ST8SIA6: variants seen among roughly 807,000 people sequenced by gnomAD.
ST8SIA6 encodes the protein ST8 alpha-N-acetyl-neuraminide alpha-2,8-sialyltransferase 6.
Under a neutral mutation model 33.6 loss-of-function variants are expected in ST8SIA6, and 39 were observed. The observed-to-expected ratio is 1.16, with a 90% CI of 0.90 to 1.52. The LOEUF is 1.52. Among genes scored for constraint, ST8SIA6 ranks in the 40% most tolerant of loss-of-function variants. The probability of loss-of-function intolerance (pLI) is 0.00; values close to 1 mark genes in which losing one functional copy is unlikely to be tolerated. For synonymous variants in ST8SIA6, 172 were observed against 167.2 expected (o/e 1.03, Z -0.22); for missense variants, 441 against 443.8 (o/e 0.99, Z 0.06).
intron 2 of ST8SIA6, among the ~76,000 whole-genome samples, chr10:17,440,563 C>T (rs1387781036): frequency 6.6e-6 from 1 of 152,128 alleles, no homozygotes; most frequent in African/African-American, 2.4e-5. Flanking sequence ...GGTCTTAGGG[C>T]TATCCATACA....
At chr10:17,381,179 T>C (rs1200401566) in intron 3 of ST8SIA6, among the ~76,000 whole-genome samples, 1 of 152,164 alleles carries the variant, frequency 6.6e-6, no homozygotes, top group Non-Finnish European at 1.5e-5. Context: ...AGTGTCTCCC[T>C]CTAGTACCAC....
At chr10:17,369,091 C>T (rs908441037) in intron 3 of ST8SIA6, among the ~76,000 whole-genome samples, 11 of 152,168 alleles carry the variant, frequency 7.2e-5, no homozygotes, top group African/African-American at 1.4e-4. Flanking sequence ...AGCTTGATTG[C>T]GACATAATTT....
intron 2 of ST8SIA6, among the ~76,000 whole-genome samples, chr10:17,450,839 T>C (rs981099466): frequency 2.6e-5 from 4 of 152,208 alleles, no homozygotes; most frequent in Admixed American, 2.0e-4. Context: ...AGAAAGAGTC[T>C]CTTCAATTGT....
intron 2 of ST8SIA6, among the ~76,000 whole-genome samples, chr10:17,450,049 A>C (rs774315542): frequency 6.6e-6 from 1 of 152,180 alleles, no homozygotes; most frequent in Non-Finnish European, 1.5e-5. Context: ...TGGTTTTTAT[A>C]TGTTTAGATG....
At chr10:17,348,768 C>T (rs1206602045) in intron 4 of ST8SIA6, among the ~76,000 whole-genome samples, 1 of 152,184 alleles carries the variant, frequency 6.6e-6, no homozygotes, top group Non-Finnish European at 1.5e-5. Flanking sequence ...CTGCTTTTGG[C>T]TTCTGGCTCC....
intron 5 of ST8SIA6, among the ~76,000 whole-genome samples, chr10:17,327,372 G>A (rs956822272): frequency 1.3e-5 from 2 of 150,664 alleles, no homozygotes; most frequent in Non-Finnish European, 3.0e-5. Context: ...GGATCACAAG[G>A]TCAGGAGTTC....
chr10:17,340,806 T>C (rs1176101220), intron 4 of ST8SIA6, among the ~76,000 whole-genome samples: 1 of 152,196 alleles, frequency 6.6e-6, no homozygotes, highest in African/African-American at 2.4e-5. Flanking sequence ...AGAACTTCTT[T>C]AACAAAAAAT....
At chr10:17,371,375 C>T (rs1428573995) in intron 3 of ST8SIA6, among the ~76,000 whole-genome samples, 2 of 152,124 alleles carry the variant, frequency 1.3e-5, no homozygotes, top group Admixed American at 6.5e-5. Flanking sequence ...TATTTAAAAA[C>T]ATGAGACTAA....
rs775563615 is a variant in ST8SIA6 at position 17,453,623 on chromosome 10, C to A, written c.136G>T (p.Gly46Cys). 74 of 1,325,772 alleles carry A rather than the reference C, an allele frequency of 5.6e-5. No individual in the cohort carries two copies. The highest frequency in any genetic ancestry group is 2.0e-4 in the East Asian group (7 of 35,760). The allele number at this position is 1,325,772 out of a possible 1,614,324, so 82.1% of individuals were successfully genotyped here. ...LVEESREATH[G>C]TPAALRTLRS... ...AGCGTCCTCAGCGCTGCGGGGGTGC[C>A]GTGGGTGGCCTCCCTGCTTTCCTCC... Residue 46 changes from glycine to cysteine, a missense_variant, in exon 2 of 8, where the codon GGC becomes TGC. Physicochemically the swap from Gly to Cys is radical, Grantham distance 159 (BLOSUM62 -3). Coordinates refer to ENST00000377602, the MANE Select transcript of ST8SIA6 (RefSeq NM_001004470.3).
At position 17,379,865 on chromosome 10, in the gene ST8SIA6, T is replaced by G. The variant is rs146538541; in HGVS notation, c.290+10666A>C. 3.2e-3 allele frequency among the ~76,000 whole-genome samples: 483 copies of G among 152,312 alleles called. 4 individuals are homozygous for G. The highest frequency in any genetic ancestry group is 5.5e-3 in the Non-Finnish European group (374 of 68,030). ...CTTTCTAAATTAACTGAGATCTGTC[T>G]CTGATTTTCTGGGTTCACATTTTGG... On this transcript the variant is annotated intron_variant, in intron 3 of 7. Coordinates refer to ENST00000377602, the MANE Select transcript of ST8SIA6 (RefSeq NM_001004470.3).
At chr10:17,333,690 TATATATATATATATATATATATA>T (rs755834518) in intron 4 of ST8SIA6, among the ~76,000 whole-genome samples, 7,835 of 39,082 alleles carry the variant, frequency 0.2, 1,260 homozygotes, top group East Asian at 0.39. Flanking sequence ...TATATATATA[TATATATATATATATATATATATA>T]TATATTTTTT....
chr10:17,374,663 G>C (rs1348616614), intron 3 of ST8SIA6, among the ~76,000 whole-genome samples: 1 of 149,780 alleles, frequency 6.7e-6, no homozygotes, highest in Non-Finnish European at 1.5e-5. Flanking sequence ...GCAGTGAGCG[G>C]AGATCGTACC....
chr10:17,358,524 G>T (rs1350006250), intron 4 of ST8SIA6, among the ~76,000 whole-genome samples: 1 of 151,626 alleles, frequency 6.6e-6, no homozygotes, highest in Non-Finnish European at 1.5e-5. Context: ...AAAATAATTT[G>T]GCATAGCACA....
At chr10:17,345,170 A>G (rs778893128) in intron 4 of ST8SIA6, among the ~76,000 whole-genome samples, 2 of 152,154 alleles carry the variant, frequency 1.3e-5, no homozygotes, top group Non-Finnish European at 2.9e-5. Flanking sequence ...AGGAGCTGCA[A>G]GGGGTGAGAC....
At chr10:17,394,213 A>G (rs1252285074) in intron 2 of ST8SIA6, among the ~76,000 whole-genome samples, 2 of 152,130 alleles carry the variant, frequency 1.3e-5, no homozygotes, top group Non-Finnish European at 2.9e-5. Flanking sequence ...ACGTGGAAAC[A>G]AATGAGAGGA....
chr10:17,415,691 A>G (rs1428186385), intron 2 of ST8SIA6, among the ~76,000 whole-genome samples: 2 of 151,588 alleles, frequency 1.3e-5, no homozygotes, highest in Non-Finnish European at 2.9e-5. Context: ...TATTTCTCAG[A>G]CTCAAATATC....
At chr10:17,343,333 G>T (rs985316961) in intron 4 of ST8SIA6, among the ~76,000 whole-genome samples, 1 of 152,138 alleles carries the variant, frequency 6.6e-6, no homozygotes, top group Non-Finnish European at 1.5e-5. Context: ...ATCAATAGAC[G>T]GTTGTGCAAG....
intron 2 of ST8SIA6, among the ~76,000 whole-genome samples, chr10:17,437,032 C>T (rs1268893244): frequency 1.3e-5 from 2 of 152,222 alleles, no homozygotes; most frequent in African/African-American, 2.4e-5. Context: ...AAACTCCCAA[C>T]CTTCTCTTTG....
chr10:17,450,531 C>T (rs557016368), intron 2 of ST8SIA6, among the ~76,000 whole-genome samples: 28 of 152,304 alleles, frequency 1.8e-4, no homozygotes, highest in East Asian at 9.6e-4. Context: ...ACCTCCCCTT[C>T]GTTGGTTCAA....
Sources: allele counts gnomAD v4.1 joint callset (sites outside exome capture counted in the v4.1 genomes callset), GRCh38; gene constraint gnomAD v4.1.1; transcripts MANE v1.5; gene names NCBI Gene and HGNC (gene_info 2026-07-23, HGNC 2026-07-21).